COL5A1: variants seen among roughly 807,000 people sequenced by gnomAD.
The protein encoded by COL5A1 is collagen type V alpha 1 chain.
Under a neutral mutation model 263.7 loss-of-function variants are expected in COL5A1, and 16 were observed. That is an observed-to-expected ratio of 0.06 (90% CI 0.04 to 0.09). The LOEUF (loss-of-function observed/expected upper bound fraction) is 0.09. COL5A1 is among the 10% of genes least tolerant of loss of function. The pLI is 1.00. For synonymous variants in COL5A1, 1,012 were observed against 1,004.5 expected, an observed-to-expected ratio of 1.01 and a Z score of -0.14; for missense variants, 2,036 against 2,540.5, an observed-to-expected ratio of 0.80 and a Z score of 4.27.
intron 1 of COL5A1, among the ~76,000 whole-genome samples, chr9:134,643,790 C>T (rs368392916): frequency 1.2e-4 from 19 of 152,140 alleles, no homozygotes; most frequent in Non-Finnish European, 2.5e-4. Flanking sequence ...CCTGTCTCAG[C>T]GCCTCTGGGG....
rs564654116 is a variant in COL5A1 at position 134,747,124 on chromosome 9, C to T, written c.1495-3418C>T. Reference sequence around the variant, plus strand: ...CAAATTTGAACACTTCGGAAGGGTTCATGGGGGTGGCGACATTCTTTCCTT... The same window carrying T: ...CAAATTTGAACACTTCGGAAGGGTTTATGGGGGTGGCGACATTCTTTCCTT... On this transcript the variant is annotated intron_variant, in intron 11 of 65. Coordinates refer to ENST00000371817, the MANE Select transcript of COL5A1 (RefSeq NM_000093.5). Among the ~76,000 whole-genome samples the T allele has an allele frequency of 3.9e-5, 6 of 152,318 alleles. No homozygotes were observed. The East Asian group carries it at 9.6e-4, about 24-fold the overall frequency.
intron 4 of COL5A1, among the ~76,000 whole-genome samples, chr9:134,725,856 G>A (rs994931125): frequency 1.6e-4 from 24 of 152,162 alleles, no homozygotes; most frequent in African/African-American, 5.3e-4. Context: ...TTTAGCTGTC[G>A]GTAGACATGT....
Position 134,738,578 on chromosome 9 carries a change from C to T in COL5A1, c.1431+63C>T, listed in dbSNP as rs966383554. Reference sequence around the variant, plus strand: ...GCTCTTGGTGGGGTGGGGTTGGTGACACCCCTTATGTCTCCTGGATGGAAA... The same window carrying T: ...GCTCTTGGTGGGGTGGGGTTGGTGATACCCCTTATGTCTCCTGGATGGAAA... On this transcript the variant is annotated intron_variant, in intron 10 of 65. Transcript: ENST00000371817. 8.1e-6 allele frequency: 13 copies of T among 1,597,924 alleles called. No homozygotes were observed. In the South Asian group the frequency reaches 1.1e-4, roughly 14 times the overall value.
intron 65 of COL5A1, 30 bp downstream of exon 65, chr9:134,835,234 C>T (rs1359356782): frequency 6.3e-7 from 1 of 1,582,800 alleles, no homozygotes. Context: ...CCCAGCACCC[C>T]TGCTCACGCC....
At chr9:134,733,486 C>G (rs755803514) in intron 9 of COL5A1, among the ~76,000 whole-genome samples, 2 of 152,186 alleles carry the variant, frequency 1.3e-5, no homozygotes, top group Admixed American at 1.3e-4. Context: ...TTTTCTCGGA[C>G]CCCCTTTCCA....
At position 134,750,633 on chromosome 9, in the gene COL5A1, G is replaced by T; in HGVS notation, c.1569+17G>T. The T allele has an allele frequency of 6.2e-7, 1 of 1,612,772 alleles. No homozygotes were observed. Among genetic ancestry groups the T allele is most frequent in the East Asian group, 2.2e-5 (1 of 44,854 alleles). ...ATGCTGCCCGTGAGTACCCTTATCA[G>T]TCGGAGGTGGGGAGGCAGCTGGGGC... On this transcript the variant is annotated intron_variant, in intron 12 of 65. Transcript: ENST00000371817.
chr9:134,748,023 A>C, intron 11 of COL5A1, among the ~76,000 whole-genome samples: 1 of 145,250 alleles, frequency 6.9e-6, no homozygotes, highest in Admixed American at 6.8e-5. Context: ...ACACACATGC[A>C]TTCATACACA....
chr9:134,817,060 C>G lies in COL5A1; in HGVS notation c.4157C>G (p.Ser1386Trp). 6.2e-7 allele frequency: 1 copy of G among 1,613,796 alleles called. No homozygotes were observed. Among genetic ancestry groups the G allele is most frequent in the Non-Finnish European group, 8.5e-7 (1 of 1,179,754 alleles). Residue 1386 changes from serine to tryptophan, a missense_variant, in exon 53 of 66, where the codon TCG (serine) becomes TGG (tryptophan). Ser to Trp is a radical substitution (Grantham distance 177). This residue lies in a region of COL5A1 where 1,078 missense variants were observed against 1,521.4 expected (regional missense o/e 0.71). Transcript: ENST00000371817. ...GGCCCTACTGGTGAACCAGGTCCATCGGGGCCTCCAGGAAAAAGGGTAAAT... is the reference window on the plus strand; with the variant it reads ...GGCCCTACTGGTGAACCAGGTCCATGGGGGCCTCCAGGAAAAAGGGTAAAT... ...SPGPTGEPGP[S>W]GPPGKRGPPG... is the part of the protein sequence containing the mutation.
At chr9:134,763,625 A>G (rs2132721455) in intron 19 of COL5A1, 68 bp from the exon 20 acceptor site, 3 of 1,504,412 alleles carry the variant, frequency 2.0e-6, no homozygotes, top group South Asian at 2.3e-5. Context: ...CTTGTGCACC[A>G]CTGAGGGGAA....
intron 2 of COL5A1, among the ~76,000 whole-genome samples, chr9:134,698,206 C>T (rs180735422): frequency 1.6e-3 from 238 of 152,378 alleles, no homozygotes; most frequent in Non-Finnish European, 2.4e-3. Context: ...ACTGTCATCA[C>T]CCCCACCTGG....
chr9:134,646,928 C>T (rs1369201113), intron 1 of COL5A1, among the ~76,000 whole-genome samples: 2 of 152,228 alleles, frequency 1.3e-5, no homozygotes, highest in Admixed American at 6.5e-5. Flanking sequence ...TCAGCTTCCC[C>T]TCGTGAACAT....
rs376231420 is a variant in COL5A1 at position 134,765,960 on chromosome 9, C to T, written c.2088+226C>T. ...TGGAGGCCCGAGGCTGCCGGCCTCA[C>T]GCCTCCGCTTCACCCTGGCTGCACT... On this transcript the variant is annotated intron_variant, in intron 21 of 65. Coordinates refer to ENST00000371817, the MANE Select transcript of COL5A1 (RefSeq NM_000093.5). The surrounding 1 kb of genome is among the most constrained non-coding windows in gnomAD (Gnocchi z 5.1). Among the ~76,000 whole-genome samples the T allele has an allele frequency of 3.9e-5, 6 of 152,222 alleles. No homozygotes were observed. Among genetic ancestry groups the T allele is most frequent in the East Asian group, 3.9e-4 (2 of 5,192 alleles).
chr9:134,653,520 A>C (rs1407846787), intron 1 of COL5A1: 1 of 152,426 alleles, frequency 6.6e-6, no homozygotes, highest in African/African-American at 2.4e-5. Context: ...CCCCTACTCC[A>C]AACTCACCTC....
At chr9:134,731,267 A>G (rs1208800351) in intron 7 of COL5A1, among the ~76,000 whole-genome samples, 1 of 151,904 alleles carries the variant, frequency 6.6e-6, no homozygotes, top group African/African-American at 2.4e-5. Flanking sequence ...TGCCAGCTCC[A>G]TGGTGTGCCA....
intron 19 of COL5A1, among the ~76,000 whole-genome samples, chr9:134,762,830 G>A (rs1344634948): frequency 6.6e-6 from 1 of 150,666 alleles, no homozygotes; most frequent in Non-Finnish European, 1.5e-5. Context: ...AAGGAGAGAG[G>A]GACCCTTCTA....
intron 64 of COL5A1, among the ~76,000 whole-genome samples, chr9:134,830,825 C>T (rs1839586869): frequency 6.6e-6 from 1 of 152,234 alleles, no homozygotes; most frequent in Non-Finnish European, 1.5e-5. Flanking sequence ...CCAGTTTGGA[C>T]ACATTGATGT....
rs80224569 is a variant in COL5A1 at position 134,820,015 on chromosome 9, C to T, written c.4447-101C>T. The T allele has an allele frequency of 2.7e-3, 2,357 of 885,472 alleles. 33 individuals carry two copies. In the African/African-American group the frequency reaches 0.03, roughly 11 times the overall value. 54.9% of individuals were successfully genotyped at this position (885,472 alleles called of 1,614,324 possible). On this transcript the variant is annotated intron_variant, in intron 57 of 65. Coordinates refer to ENST00000371817, the MANE Select transcript of COL5A1 (RefSeq NM_000093.5). Reference sequence around the variant, plus strand: ...AGGGGAGGCTGACCATGATGTAAAGCTTCCTGTGCCATGGCTGTGCTGCGT... The same window carrying T: ...AGGGGAGGCTGACCATGATGTAAAGTTTCCTGTGCCATGGCTGTGCTGCGT...
chr9:134,698,735 T>A (rs1045595109), intron 2 of COL5A1, among the ~76,000 whole-genome samples: 1 of 152,254 alleles, frequency 6.6e-6, no homozygotes, highest in Admixed American at 6.5e-5. Context: ...CAGGCGCTGC[T>A]GCCGCAGATC....
chr9:134,757,605 C>T lies in COL5A1; in HGVS notation c.1882-638C>T, dbSNP rs535917397. ...TGGCCTGGGGTGACAGGAGGAAACGCAGTCTTGTTGACTCTGTCTCAGAAG... is the reference window on the plus strand; with the variant it reads ...TGGCCTGGGGTGACAGGAGGAAACGTAGTCTTGTTGACTCTGTCTCAGAAG... On this transcript the variant is annotated intron_variant, in intron 17 of 65. Coordinates refer to ENST00000371817, the MANE Select transcript of COL5A1 (RefSeq NM_000093.5). This position sits in a 1 kb window ranked among gnomAD's most constrained non-coding sequence, Gnocchi z 6.2. Among the ~76,000 whole-genome samples, 98 of 152,308 alleles carry T rather than the reference C, an allele frequency of 6.4e-4. No individual in the cohort carries two copies. The highest frequency in any genetic ancestry group is 2.3e-3 in the African/African-American group (96 of 41,566).
Sources: allele counts gnomAD v4.1 joint callset (sites outside exome capture counted in the v4.1 genomes callset), GRCh38; gene constraint gnomAD v4.1.1; regional missense constraint gnomAD v4.1.1; non-coding constraint Gnocchi (gnomAD v3.1); transcripts MANE v1.5; gene names NCBI Gene and HGNC (gene_info 2026-07-23, HGNC 2026-07-21).